The following SLC38A1 variants were observed in gnomAD, a reference collection of about 807,000 sequenced individuals.
The protein encoded by SLC38A1 is solute carrier family 38 member 1, also known as sodium-coupled neutral amino acid symporter 1.
SLC38A1 carries 18 observed loss-of-function variants against 60.3 expected under a neutral mutation model. That is an observed-to-expected ratio of 0.30 (90% CI 0.21 to 0.44). The LOEUF (loss-of-function observed/expected upper bound fraction) is 0.44. SLC38A1 is among the 20% of genes least tolerant of loss of function. The pLI is 1.00. For synonymous variants in SLC38A1, 196 were observed against 212.1 expected (o/e 0.92, Z 0.66); for missense variants, 448 against 587.2 (o/e 0.76, Z 2.45).
intron 3 of SLC38A1, among the ~76,000 whole-genome samples, chr12:46,238,867 T>C (rs190524630): frequency 1.3e-5 from 2 of 152,342 alleles, no homozygotes; most frequent in Admixed American, 1.3e-4. Context: ...ACTATGTCTC[T>C]ATTATAGTTC....
chr12:46,186,201 CA>C lies in SLC38A1; in HGVS notation c.*2768del, dbSNP rs756330882. 5 of 152,170 alleles carry C rather than the reference CA, an allele frequency of 3.3e-5. No individual in the cohort carries two copies. The highest frequency in any genetic ancestry group is 7.2e-5 in the African/African-American group (3 of 41,432). 9.4% of individuals were successfully genotyped at this position (152,170 alleles called of 1,614,324 possible). On this transcript the variant is annotated 3_prime_UTR_variant, in exon 17 of 17. Transcript: ENST00000398637. Reference sequence around the variant, plus strand: ...CACTGGGGCTGCCTGTGCCTAAACACAGTAGATTTCCCTCCTGTGCGTATTT... The same window carrying C: ...CACTGGGGCTGCCTGTGCCTAAACACGTAGATTTCCCTCCTGTGCGTATTT...
rs146781046 is a variant in SLC38A1, at chr12:46,201,832, C to T, written c.903-634G>A. Among the ~76,000 whole-genome samples the T allele has an allele frequency of 2.0e-3, 307 of 150,434 alleles. 1 individual carries two copies. Among genetic ancestry groups the T allele is most frequent in the South Asian group, 0.016 (76 of 4,676 alleles). On this transcript the variant is annotated intron_variant, in intron 12 of 16. Transcript: ENST00000398637. ...CTTGTATTCAATAAATAACAGACCA[C>T]AGATAGTCATAACATTTGGTTATGT...
rs918220016 is a variant in SLC38A1, at chr12:46,237,629, C to A, written c.122+2050G>T. ...TCATCCAGGCAAGGTGCCTAAGTTGCGGGTGAGAATAGATGTTTCTCCCAT... is the reference window on the plus strand; with the variant it reads ...TCATCCAGGCAAGGTGCCTAAGTTGAGGGTGAGAATAGATGTTTCTCCCAT... On this transcript the variant is annotated intron_variant, in intron 3 of 16. Transcript: ENST00000398637. Among the ~76,000 whole-genome samples, 28 of 151,778 alleles carry A rather than the reference C, an allele frequency of 1.8e-4. 1 individual carries two copies. The highest frequency in any genetic ancestry group is 1.2e-3 in the Admixed American group (19 of 15,258).
chr12:46,250,784 A>G (rs1197026596), intron 1 of SLC38A1, among the ~76,000 whole-genome samples: 1 of 152,236 alleles, frequency 6.6e-6, no homozygotes, highest in East Asian at 1.9e-4. Flanking sequence ...CCAACTTACA[A>G]GGGATGTGAA....
intron 16 of SLC38A1, among the ~76,000 whole-genome samples, chr12:46,191,741 G>T (rs183150426): frequency 3.3e-5 from 5 of 152,262 alleles, no homozygotes; most frequent in African/African-American, 1.2e-4. Context: ...TCTATTATTG[G>T]TGTATAGGAA....
Position 46,197,995 on chromosome 12 carries a change from A to G in SLC38A1, c.1188T>C (p.Val396=). Residue 396 remains valine, a synonymous_variant, in exon 15 of 17, where the codon GTT becomes GTC. Transcript: ENST00000398637. Reference sequence around the variant, plus strand: ...TGATAACAACCAAGAGTATGCAGGTAACCACGGTATGACGACATAAATTAA... The same window carrying G: ...TGATAACAACCAAGAGTATGCAGGTGACCACGGTATGACGACATAAATTAA... ...TKFNLCRHTV[V]TCILLVVINL... The G allele has an allele frequency of 1.2e-6, 2 of 1,614,020 alleles. No homozygotes were observed. Among genetic ancestry groups the G allele is most frequent in the Non-Finnish European group, 1.7e-6 (2 of 1,179,908 alleles).
chr12:46,197,837 A>G lies in SLC38A1; in HGVS notation c.1265-20T>C. The G allele has an allele frequency of 6.3e-7, 1 of 1,597,582 alleles. No individual in the cohort carries two copies. The highest frequency in any genetic ancestry group is 1.4e-5 in the African/African-American group (1 of 73,828). On this transcript the variant is annotated intron_variant, in intron 15 of 16. Transcript: ENST00000398637. ...TAACTCCTGTAAAATAAGACAAAAG[A>G]GAAAGTTTAGCATTGCTATTGTGAA... is the stretch of plus-strand genomic sequence containing the variant.
In SLC38A1 at chr12:46,187,678, G is replaced by A. The variant is rs575811972; in HGVS notation, c.*1292C>T. 2.0e-5 allele frequency: 3 copies of A among 152,246 alleles called. No individual in the cohort carries two copies. Among genetic ancestry groups the A allele is most frequent in the East Asian group, 3.9e-4 (2 of 5,170 alleles). The allele number at this position is 152,246 out of a possible 1,614,324, so 9.4% of individuals were successfully genotyped here. ...CACAGTCCTTGGTTGGGGAAGAGAA[G>A]AGGAGACAGCACAGACACTGAGACC... On this transcript the variant is annotated 3_prime_UTR_variant, in exon 17 of 17. Coordinates refer to ENST00000398637, the MANE Select transcript of SLC38A1 (RefSeq NM_030674.4).
At chr12:46,239,519 T>C in intron 3 of SLC38A1, 160 bp downstream of exon 3, 1 of 661,862 alleles carries the variant, frequency 1.5e-6, no homozygotes, top group Non-Finnish European at 2.5e-6. Flanking sequence ...GAGACGGGGT[T>C]TCACCATGTT....
intron 13 of SLC38A1, 76 bp downstream of exon 13, chr12:46,201,022 A>T: frequency 2.8e-6 from 3 of 1,085,582 alleles, no homozygotes; most frequent in Non-Finnish European, 4.1e-6. Flanking sequence ...CTTTCATGTT[A>T]AAAGTTATTT....
rs1491397344 is a variant in SLC38A1 at position 46,227,047 on chromosome 12, CCA to C, written c.314+2104_314+2105del. 1.0e-3 allele frequency among the ~76,000 whole-genome samples: 144 copies of C among 142,538 alleles called. 1 individual carries two copies. Among genetic ancestry groups the C allele is most frequent in the African/African-American group, 3.7e-3 (138 of 37,242 alleles). The allele number at this position is 142,538 out of a possible 152,430, so 93.5% of individuals were successfully genotyped here. ...GGGAACTAAGAGATTTGACAAGTTT[CCA>C]AAAAAAAAAAAAATTAACAAAACCT... On this transcript the variant is annotated intron_variant, in intron 5 of 16. Transcript: ENST00000398637.
At chr12:46,206,968 T>C (rs1464864642) in intron 8 of SLC38A1, among the ~76,000 whole-genome samples, 187 bp downstream of exon 8, 1 of 152,212 alleles carries the variant, frequency 6.6e-6, no homozygotes, top group Non-Finnish European at 1.5e-5. Context: ...CAAATGTGCA[T>C]ATGCAAATGG....
chr12:46,197,447 C>T (rs1474593111), intron 16 of SLC38A1: 2 of 273,998 alleles, frequency 7.3e-6, no homozygotes, highest in South Asian at 5.1e-5. Flanking sequence ...GCGGAGCTTA[C>T]AGTGAGCTGA....
chr12:46,234,060 G>C (rs1941169469), intron 3 of SLC38A1, among the ~76,000 whole-genome samples: 1 of 152,172 alleles, frequency 6.6e-6, no homozygotes, highest in Non-Finnish European at 1.5e-5. Flanking sequence ...CTTCCTCTCA[G>C]CCAATCTTTC....
intron 8 of SLC38A1, 86 bp from the exon 9 acceptor site, chr12:46,206,248 A>G (rs1939895063): frequency 7.5e-6 from 5 of 669,348 alleles, no homozygotes; most frequent in African/African-American, 3.7e-5. Flanking sequence ...ATATCATGAT[A>G]TATATTTTTA....
At chr12:46,209,242 C>A in intron 5 of SLC38A1, 115 bp from the exon 6 acceptor site, 1 of 650,120 alleles carries the variant, frequency 1.5e-6, no homozygotes. Context: ...TTAATAGTAT[C>A]CAAATTTTGG....
chr12:46,257,926 C>A (rs1028005739), intron 1 of SLC38A1, among the ~76,000 whole-genome samples: 3 of 152,312 alleles, frequency 2.0e-5, no homozygotes, highest in Admixed American at 1.3e-4. Context: ...TAGAGTAAAG[C>A]GAAATGGCTA....
At chr12:46,206,263 T>G in intron 8 of SLC38A1, 101 bp from the exon 9 acceptor site, 1 of 598,954 alleles carries the variant, frequency 1.7e-6, no homozygotes, top group South Asian at 2.6e-5. Flanking sequence ...TTTTTATTAA[T>G]TTTTACTATA....
At chr12:46,266,310 T>C (rs1942350454) in intron 1 of SLC38A1, among the ~76,000 whole-genome samples, 1 of 152,184 alleles carries the variant, frequency 6.6e-6, no homozygotes, top group South Asian at 2.1e-4. Flanking sequence ...TTTCATTAAA[T>C]GGCCTTAATT....
Sources: allele counts gnomAD v4.1 joint callset (sites outside exome capture counted in the v4.1 genomes callset), GRCh38; gene constraint gnomAD v4.1.1; transcripts MANE v1.5; gene names NCBI Gene and HGNC (gene_info 2026-07-23, HGNC 2026-07-21).